The following ROCK2 variants were observed in gnomAD, a reference collection of about 807,000 sequenced individuals.
The protein encoded by ROCK2 is rho-associated protein kinase 2.
A neutral mutation model predicts 195.1 loss-of-function variants in ROCK2; 61 were observed. The ratio of observed to expected loss-of-function variants is 0.31; its 90% confidence interval spans 0.25 to 0.39. The LOEUF (loss-of-function observed/expected upper bound fraction) is 0.39. Among genes scored for constraint, ROCK2 ranks in the 10% least tolerant of loss-of-function variants. The pLI, the probability that ROCK2 is intolerant of heterozygous loss-of-function variation, is 1.00. For synonymous variants in ROCK2, 504 were observed against 545.5 expected (o/e 0.92, Z 1.06); for missense variants, 1,109 against 1,637.4 (o/e 0.68, Z 5.57).
chr2:11,202,011 ACT>A (rs766588796), intron 21 of ROCK2, 39 bp downstream of exon 21: 64 of 1,478,290 alleles, frequency 4.3e-5, no homozygotes, highest in Middle Eastern at 1.7e-4. Context: ...CCCAACCAAA[ACT>A]CTGTTTGCTA....
rs34888376 is a variant in ROCK2, at chr2:11,258,052, C to CT, written c.325-8255dup. On this transcript the variant is annotated intron_variant, in intron 3 of 32. Transcript: ENST00000315872. ...TTTTTAAAATCTGTTTAAGGAGGAA[C>CT]TTTTTTTTTTAAGAAACAAAAACTC... Among the ~76,000 whole-genome samples, 19 of 147,832 alleles carry CT rather than the reference C, an allele frequency of 1.3e-4. No homozygotes were observed. The South Asian group carries it at 2.1e-3, about 17-fold the overall frequency.
At chr2:11,237,924 C>G (rs935667982) in intron 4 of ROCK2, among the ~76,000 whole-genome samples, 5 of 152,000 alleles carry the variant, frequency 3.3e-5, no homozygotes, top group African/African-American at 1.2e-4. Context: ...ACTAAAATTA[C>G]AAAAATGAGC....
At chr2:11,343,915 G>A (rs916105913) in intron 1 of ROCK2, 81 bp downstream of exon 1, 3 of 1,472,504 alleles carry the variant, frequency 2.0e-6, no homozygotes, top group Non-Finnish European at 2.7e-6. Context: ...CCCCACGGGC[G>A]GACGGGCACG....
chr2:11,329,199 AT>A (rs1259061420), intron 1 of ROCK2, among the ~76,000 whole-genome samples: 4 of 152,170 alleles, frequency 2.6e-5, no homozygotes, highest in African/African-American at 9.6e-5. Flanking sequence ...AAAAAAATTC[AT>A]TTTAACCTTC....
chr2:11,183,350 A>G lies in ROCK2; in HGVS notation c.*87T>C. 9.5e-7 allele frequency: 1 copy of G among 1,051,558 alleles called. No homozygotes were observed. Among genetic ancestry groups the G allele is most frequent in the African/African-American group, 1.6e-5 (1 of 62,248 alleles). 65.1% of individuals were successfully genotyped at this position (1,051,558 alleles called of 1,614,324 possible). ...GTCTCTCAGGAAAATATAGCTTTTT[A>G]ATAAATTTTGGGCCATCATATTTCA... On this transcript the variant is annotated 3_prime_UTR_variant, in exon 33 of 33. Transcript: ENST00000315872.
At chr2:11,274,650 T>C (rs1666761743) in intron 3 of ROCK2, among the ~76,000 whole-genome samples, 1 of 152,202 alleles carries the variant, frequency 6.6e-6, no homozygotes, top group African/African-American at 2.4e-5. Context: ...AAAAGCTCTT[T>C]ACCTAATGGC....
At chr2:11,248,214 TG>T (rs201001496) in intron 4 of ROCK2, among the ~76,000 whole-genome samples, 63 of 89,006 alleles carry the variant, frequency 7.1e-4, no homozygotes, top group African/African-American at 2.1e-3. Context: ...GGGTTTTTTT[TG>T]GGGGGGGATG....
intron 32 of ROCK2, among the ~76,000 whole-genome samples, chr2:11,189,020 G>T (rs2148025145): frequency 6.6e-6 from 1 of 151,832 alleles, no homozygotes; most frequent in East Asian, 2.0e-4. Context: ...CTGGGTGACA[G>T]AGTGAGACGT....
intron 1 of ROCK2, among the ~76,000 whole-genome samples, chr2:11,296,401 C>CA (rs1667540353): frequency 6.6e-6 from 1 of 152,104 alleles, no homozygotes; most frequent in Non-Finnish European, 1.5e-5. Context: ...TGTTTCTAGT[C>CA]AATTGTCAAT....
intron 1 of ROCK2, among the ~76,000 whole-genome samples, chr2:11,328,353 A>G (rs1179372571): frequency 6.6e-6 from 1 of 152,244 alleles, no homozygotes; most frequent in African/African-American, 2.4e-5. Context: ...GTATGCACAT[A>G]CATTGAGAGA....
intron 3 of ROCK2, among the ~76,000 whole-genome samples, chr2:11,265,372 AT>A (rs1388112730): frequency 6.6e-6 from 1 of 152,150 alleles, no homozygotes; most frequent in African/African-American, 2.4e-5. Context: ...ACGTTGGCTT[AT>A]TTTCTCATTA....
Position 11,207,221 on chromosome 2 carries a change from C to T in ROCK2, c.2549+505G>A, listed in dbSNP as rs551296775. Among the ~76,000 whole-genome samples the T allele has an allele frequency of 1.9e-4, 29 of 152,306 alleles. No homozygotes were observed. The South Asian group carries it at 5.8e-3, about 30-fold the overall frequency. On this transcript the variant is annotated intron_variant, in intron 20 of 32. Coordinates refer to ENST00000315872, the MANE Select transcript of ROCK2 (RefSeq NM_004850.5). The stretch of plus-strand genomic sequence containing the variant: ...TCTCCTGCCTCAGCTCCCCAAGTAG[C>T]TGGAACTACAGACGTGCACAATCGT...
At chr2:11,321,964 T>C (rs7557723) in intron 1 of ROCK2, among the ~76,000 whole-genome samples, 60,391 of 151,868 alleles carry the variant, frequency 0.4, 13,549 homozygotes, top group Admixed American at 0.52. Flanking sequence ...TAAAATAAGG[T>C]CATCAGAGTG....
At chr2:11,297,105 A>G (rs1558371099) in intron 1 of ROCK2, among the ~76,000 whole-genome samples, 2 of 152,134 alleles carry the variant, frequency 1.3e-5, no homozygotes, top group Admixed American at 1.3e-4. Context: ...AGTAAATTTT[A>G]CTAAAGCTTG....
At chr2:11,269,022 G>T (rs1165830571) in intron 3 of ROCK2, among the ~76,000 whole-genome samples, 2 of 151,950 alleles carry the variant, frequency 1.3e-5, no homozygotes, top group African/African-American at 4.8e-5. Context: ...TCTTCTGCCG[G>T]CTCAAATCTG....
chr2:11,274,978 C>T (rs867493040), intron 3 of ROCK2, among the ~76,000 whole-genome samples: 1 of 152,000 alleles, frequency 6.6e-6, no homozygotes, highest in Non-Finnish European at 1.5e-5. Context: ...AAGAACAGGC[C>T]GGGAGCAGTG....
At chr2:11,221,992 G>A in intron 8 of ROCK2, 91 bp downstream of exon 8, 1 of 753,350 alleles carries the variant, frequency 1.3e-6, no homozygotes, top group Non-Finnish European at 2.3e-6. Flanking sequence ...AGCATTAAGT[G>A]TTATCAAATA....
At chr2:11,268,488 TTGTG>T (rs60063109) in intron 3 of ROCK2, among the ~76,000 whole-genome samples, 14 of 149,652 alleles carry the variant, frequency 9.4e-5, no homozygotes, top group African/African-American at 2.5e-4. Context: ...GTTTTTTTCC[TTGTG>T]TGTGTGTGTG....
intron 3 of ROCK2, among the ~76,000 whole-genome samples, chr2:11,275,804 A>T (rs1318126592): frequency 6.7e-6 from 1 of 150,196 alleles, no homozygotes; most frequent in Admixed American, 6.7e-5. Flanking sequence ...GATTCAACAG[A>T]TTCTCCTGCC....
Sources: allele counts gnomAD v4.1 joint callset (sites outside exome capture counted in the v4.1 genomes callset), GRCh38; gene constraint gnomAD v4.1.1; transcripts MANE v1.5; gene names NCBI Gene and HGNC (gene_info 2026-07-23, HGNC 2026-07-21).